Variants in PRICKLE1 observed in about 807,000 individuals in gnomAD.
PRICKLE1 encodes prickle planar cell polarity protein 1.
Under a neutral mutation model 70.2 loss-of-function variants are expected in PRICKLE1, and 14 were observed. The ratio of observed to expected loss-of-function variants is 0.20; its 90% confidence interval spans 0.13 to 0.31. The LOEUF (loss-of-function observed/expected upper bound fraction) is 0.31, where lower values mean the gene tolerates loss of function less well. PRICKLE1 is among the 10% of genes least tolerant of loss of function. The pLI is 1.00. For missense variants in PRICKLE1, 821 were observed against 1,026.2 expected (o/e 0.80, Z 2.73); for synonymous variants, 357 against 379.9 (o/e 0.94, Z 0.70).
chr12:42,468,530 C>G, intron 5 of PRICKLE1, 96 bp downstream of exon 5: 1 of 1,091,824 alleles, frequency 9.2e-7, no homozygotes, highest in Non-Finnish European at 1.4e-6. Flanking sequence ...AGAACAAAAT[C>G]CAGGAAATTT....
chr12:42,479,231 T>C (rs1938696561), intron 1 of PRICKLE1, among the ~76,000 whole-genome samples: 1 of 152,250 alleles, frequency 6.6e-6, no homozygotes, highest in South Asian at 2.1e-4. Context: ...AAACAATATG[T>C]TAATAACAAA....
At chr12:42,543,406 C>T (rs1769782623) in intron 1 of PRICKLE1, among the ~76,000 whole-genome samples, 1 of 151,424 alleles carries the variant, frequency 6.6e-6, no homozygotes, top group South Asian at 2.1e-4. Flanking sequence ...CTATGTTGCC[C>T]AGGCTGCACT....
chr12:42,497,546 CAAAAAAAA>C lies in PRICKLE1; in HGVS notation c.-48-24990_-48-24983del, dbSNP rs35111508. On this transcript the variant is annotated intron_variant, in intron 1 of 7. Coordinates refer to ENST00000345127, the MANE Select transcript of PRICKLE1 (RefSeq NM_153026.3). ...CCTGGGTGACAGCGAGACTCCATCT[CAAAAAAAA>C]AAAAAAAAAAAATTCGATTAAATTT... is the stretch of plus-strand genomic sequence containing the variant. Among the ~76,000 whole-genome samples the C allele has an allele frequency of 1.5e-4, 15 of 98,756 alleles. No individual in the cohort carries two copies. In the East Asian group the frequency reaches 4.3e-3, roughly 28 times the overall value. 64.8% of individuals were successfully genotyped at this position (98,756 alleles called of 152,430 possible).
chr12:42,535,925 C>T (rs761068916), intron 1 of PRICKLE1, among the ~76,000 whole-genome samples: 4 of 152,160 alleles, frequency 2.6e-5, no homozygotes, highest in Non-Finnish European at 5.9e-5. Context: ...AAGAGATAGT[C>T]CCTTTCCCCC....
intron 1 of PRICKLE1, among the ~76,000 whole-genome samples, chr12:42,541,598 A>G (rs1235139609): frequency 6.6e-6 from 1 of 152,122 alleles, no homozygotes; most frequent in East Asian, 1.9e-4. Flanking sequence ...TCAGCCTCCC[A>G]AAGTGCTGGG....
chr12:42,514,638 A>G (rs1413369048), intron 1 of PRICKLE1, among the ~76,000 whole-genome samples: 1 of 152,178 alleles, frequency 6.6e-6, no homozygotes, highest in African/African-American at 2.4e-5. Context: ...TCAAACAAAA[A>G]TGAAAAGAAA....
At chr12:42,522,809 C>A (rs1046603503) in intron 1 of PRICKLE1, among the ~76,000 whole-genome samples, 4 of 152,124 alleles carry the variant, frequency 2.6e-5, no homozygotes. Flanking sequence ...GGATATATTA[C>A]ATAAATTTGA....
intron 1 of PRICKLE1, among the ~76,000 whole-genome samples, chr12:42,488,744 AT>A (rs760601900): frequency 4.5e-4 from 68 of 152,304 alleles, no homozygotes; most frequent in Non-Finnish European, 6.2e-4. Flanking sequence ...TATAAGTAAT[AT>A]TTGGTAAGCT....
At chr12:42,507,265 A>G (rs1939436729) in intron 1 of PRICKLE1, among the ~76,000 whole-genome samples, 2 of 152,232 alleles carry the variant, frequency 1.3e-5, no homozygotes, top group Non-Finnish European at 2.9e-5. Context: ...CATAGCAGGC[A>G]GATCACGTGT....
intron 1 of PRICKLE1, among the ~76,000 whole-genome samples, chr12:42,526,807 A>T (rs1278864898): frequency 2.6e-5 from 4 of 152,030 alleles, no homozygotes; most frequent in African/African-American, 4.8e-5. Context: ...AGGCAGAAAG[A>T]TCAGTTAGAA....
chr12:42,544,013 T>C lies in PRICKLE1; in HGVS notation c.-49+45452A>G, dbSNP rs138055909. ...CTATTCATTAAGTGGAAGTGGATAA[T>C]CATAAAGGTCTTCATCCATGTCATC... On this transcript the variant is annotated intron_variant, in intron 1 of 7. Transcript: ENST00000345127. Among the ~76,000 whole-genome samples the C allele has an allele frequency of 7.6e-3, 1,158 of 152,272 alleles. 9 individuals are homozygous for C. The highest frequency in any genetic ancestry group is 0.048 in the Middle Eastern group (14 of 294).
At chr12:42,482,701 C>T (rs1938838913) in intron 1 of PRICKLE1, 1 of 152,256 alleles carries the variant, frequency 6.6e-6, no homozygotes, top group South Asian at 2.1e-4. Context: ...CATAGCCTGG[C>T]TTATAAGGAC....
chr12:42,495,206 A>AAAAAT (rs1939174855), intron 1 of PRICKLE1, among the ~76,000 whole-genome samples: 1 of 149,150 alleles, frequency 6.7e-6, no homozygotes, highest in South Asian at 2.1e-4. Context: ...CCATCTCTAC[A>AAAAAT]AAAACAAAAC....
At chr12:42,570,169 G>A (rs757430766) in intron 1 of PRICKLE1, among the ~76,000 whole-genome samples, 1 of 152,202 alleles carries the variant, frequency 6.6e-6, no homozygotes, top group African/African-American at 2.4e-5. Context: ...TCCCTTCCTT[G>A]AGTCAAAAAT....
intron 1 of PRICKLE1, among the ~76,000 whole-genome samples, chr12:42,533,224 T>C (rs1470570950): frequency 1.6e-4 from 24 of 152,022 alleles, no homozygotes; most frequent in African/African-American, 5.5e-4. Flanking sequence ...TTTTTTTTTT[T>C]TCTGTATTTT....
At chr12:42,529,618 G>A (rs1037560778) in intron 1 of PRICKLE1, among the ~76,000 whole-genome samples, 3 of 152,160 alleles carry the variant, frequency 2.0e-5, no homozygotes, top group Non-Finnish European at 4.4e-5. Context: ...TAAGAAGGCC[G>A]GTGCAGTGGC....
intron 1 of PRICKLE1, among the ~76,000 whole-genome samples, chr12:42,478,345 T>TA (rs1938651571): frequency 6.6e-6 from 1 of 152,210 alleles, no homozygotes; most frequent in Non-Finnish European, 1.5e-5. Context: ...GGCATCCTAT[T>TA]TCTCCAGTGT....
chr12:42,556,847 C>T (rs1390818198), intron 1 of PRICKLE1, among the ~76,000 whole-genome samples: 1 of 152,140 alleles, frequency 6.6e-6, no homozygotes, highest in African/African-American at 2.4e-5. Context: ...AGTTTTTATG[C>T]TTTGCTCAAC....
At chr12:42,467,159 A>G (rs144132224) in intron 5 of PRICKLE1, among the ~76,000 whole-genome samples, 3,061 of 151,892 alleles carry the variant, frequency 0.02, 82 homozygotes, top group East Asian at 0.089. Flanking sequence ...CTCTGTCACC[A>G]CGCTGGAGTG....
Sources: allele counts gnomAD v4.1 joint callset (sites outside exome capture counted in the v4.1 genomes callset), GRCh38; gene constraint gnomAD v4.1.1; transcripts MANE v1.5; gene names NCBI Gene and HGNC (gene_info 2026-07-23, HGNC 2026-07-21).